CDC26: variants seen among roughly 807,000 people sequenced by gnomAD.
CDC26 encodes anaphase-promoting complex subunit CDC26.
Under a neutral mutation model 8.0 loss-of-function variants are expected in CDC26, and 2 were observed. That is an observed-to-expected ratio of 0.25 (90% CI 0.10 to 0.79). The LOEUF (loss-of-function observed/expected upper bound fraction) is 0.79. CDC26 is among the 30% of genes least tolerant of loss of function. The probability of loss-of-function intolerance (pLI) is 0.70; values close to 1 mark genes in which losing one functional copy is unlikely to be tolerated. For synonymous variants in CDC26, 19 were observed against 34.9 expected (o/e 0.55, Z 1.60); for missense variants, 68 against 106.0 (o/e 0.64, Z 1.57).
intron 3 of CDC26, 22 bp from the exon 4 acceptor site, chr9:113,267,461 G>A (rs1163720578): frequency 6.3e-7 from 1 of 1,587,782 alleles, no homozygotes; most frequent in Admixed American, 1.8e-5. Flanking sequence ...AAAGTTTTAG[G>A]ATTAAGGCAA....
intron 1 of CDC26, among the ~76,000 whole-genome samples, chr9:113,274,404 T>C (rs1045086403): frequency 3.3e-5 from 5 of 152,146 alleles, no homozygotes; most frequent in African/African-American, 1.2e-4. Flanking sequence ...CACAAAACAC[T>C]GGCACATTAC....
At position 113,275,401 on chromosome 9, in the gene CDC26, G is replaced by T; in HGVS notation, c.-171C>A. 1 of 283,978 alleles carries T rather than the reference G, an allele frequency of 3.5e-6. No individual in the cohort carries two copies. The highest frequency in any genetic ancestry group is 6.7e-6 in the Non-Finnish European group (1 of 150,172). The allele number at this position is 283,978 out of a possible 1,614,324, so 17.6% of individuals were successfully genotyped here. A position where few individuals can be genotyped will look rare whatever the true frequency, so the allele number is the denominator to read the frequency against. ...ACCTACCTCTTTTCAAGCCGGCCTA[G>T]CCCCTTCCCGGAACCTCGGCTCCCC... is the stretch of plus-strand genomic sequence containing the variant. On this transcript the variant is annotated 5_prime_UTR_variant, in exon 1 of 4. Transcript: ENST00000374206.
intron 3 of CDC26, among the ~76,000 whole-genome samples, chr9:113,270,075 C>G (rs917651661): frequency 3.3e-5 from 5 of 152,118 alleles, no homozygotes; most frequent in African/African-American, 1.2e-4. Context: ...AGAGAGTGAC[C>G]GTGCCTATGA....
At chr9:113,269,049 C>T (rs937564861) in intron 3 of CDC26, among the ~76,000 whole-genome samples, 2 of 152,078 alleles carry the variant, frequency 1.3e-5, no homozygotes, top group Admixed American at 6.5e-5. Context: ...CCACCGCACC[C>T]GGCCCACAAA....
chr9:113,274,598 A>T (rs997948420), intron 1 of CDC26, among the ~76,000 whole-genome samples: 1 of 152,192 alleles, frequency 6.6e-6, no homozygotes, highest in African/African-American at 2.4e-5. Flanking sequence ...ACTAGGGAGC[A>T]GTATAGATTA....
intron 3 of CDC26, among the ~76,000 whole-genome samples, chr9:113,270,327 A>G (rs1478356805): frequency 6.6e-6 from 1 of 152,228 alleles, no homozygotes; most frequent in Non-Finnish European, 1.5e-5. Flanking sequence ...GAAGAATTTA[A>G]GTCTTATTAA....
At chr9:113,268,858 G>A (rs568405641) in intron 3 of CDC26, among the ~76,000 whole-genome samples, 1 of 152,220 alleles carries the variant, frequency 6.6e-6, no homozygotes, top group South Asian at 2.1e-4. Flanking sequence ...GGGTTCAAGC[G>A]ATTCTCCTGC....
chr9:113,267,905 T>C (rs926571448), intron 3 of CDC26, among the ~76,000 whole-genome samples: 30 of 152,164 alleles, frequency 2.0e-4, no homozygotes, highest in Non-Finnish European at 4.4e-5. Flanking sequence ...GAGAATCGCT[T>C]GAACCAGGAA....
chr9:113,268,056 G>A (rs997783600), intron 3 of CDC26, among the ~76,000 whole-genome samples: 2 of 152,082 alleles, frequency 1.3e-5, no homozygotes, highest in Admixed American at 6.6e-5. Flanking sequence ...GCAAACAGAC[G>A]ATTATAGGGT....
rs1831876995 is a variant in CDC26, at chr9:113,267,223, T to C, written c.*40A>G. On this transcript the variant is annotated 3_prime_UTR_variant, in exon 4 of 4. Transcript: ENST00000374206. ...CTGGTTTGTACTTCTGCCATCATTT[T>C]ATTCCATTCCAGCGCTCTGGCATGC... 2.3e-6 allele frequency: 3 copies of C among 1,288,782 alleles called. No individual in the cohort carries two copies. The highest frequency in any genetic ancestry group is 3.2e-6 in the Non-Finnish European group (3 of 941,964). The allele number at this position is 1,288,782 out of a possible 1,614,324, so 79.8% of individuals were successfully genotyped here.
At chr9:113,268,964 A>G (rs1228094871) in intron 3 of CDC26, among the ~76,000 whole-genome samples, 1 of 151,306 alleles carries the variant, frequency 6.6e-6, no homozygotes, top group African/African-American at 2.4e-5. Context: ...CATGTTAGCT[A>G]GGATGGTCTC....
intron 3 of CDC26, among the ~76,000 whole-genome samples, chr9:113,271,716 G>A (rs1373237682): frequency 6.6e-6 from 1 of 152,222 alleles, no homozygotes; most frequent in East Asian, 1.9e-4. Flanking sequence ...TGTTACAGCA[G>A]CCACAGGAGA....
intron 3 of CDC26, among the ~76,000 whole-genome samples, chr9:113,271,807 GAAGTTA>G (rs1211159303): frequency 6.6e-6 from 1 of 152,192 alleles, no homozygotes; most frequent in African/African-American, 2.4e-5. Flanking sequence ...CTGCAGTTCA[GAAGTTA>G]AAGTTATTGT....
chr9:113,273,738 G>A lies in CDC26; in HGVS notation c.-151-300C>T, dbSNP rs1003478787. Among the ~76,000 whole-genome samples, 9 of 150,476 alleles carry A rather than the reference G, an allele frequency of 6.0e-5. No homozygotes were observed. The Admixed American group carries it at 6.0e-4, about 10-fold the overall frequency. ...GTGTACCTGTAGTCCTAGCTACTCA[G>A]GAGGCTGAGGTGGAAGGATCACTTG... On this transcript the variant is annotated intron_variant, in intron 1 of 3. Coordinates refer to ENST00000374206, the MANE Select transcript of CDC26 (RefSeq NM_139286.4).
chr9:113,268,499 TTCTC>T (rs530717100), intron 3 of CDC26, among the ~76,000 whole-genome samples: 60 of 152,362 alleles, frequency 3.9e-4, no homozygotes, highest in African/African-American at 1.4e-3. Flanking sequence ...GATGATAACT[TTCTC>T]TAAGAGAGTG....
intron 3 of CDC26, among the ~76,000 whole-genome samples, chr9:113,269,449 T>G (rs950779553): frequency 6.6e-6 from 1 of 152,236 alleles, no homozygotes; most frequent in Admixed American, 6.5e-5. Context: ...CTTCCCACTT[T>G]GAGCAACTGC....
intron 1 of CDC26, among the ~76,000 whole-genome samples, chr9:113,274,818 A>G (rs576114067): frequency 2.6e-5 from 4 of 152,144 alleles, no homozygotes; most frequent in African/African-American, 7.2e-5. Context: ...AATAACATCT[A>G]TTATTGCTGT....
chr9:113,270,088 G>C (rs1374653238), intron 3 of CDC26, among the ~76,000 whole-genome samples: 1 of 152,216 alleles, frequency 6.6e-6, no homozygotes, highest in African/African-American at 2.4e-5. Flanking sequence ...GCCTATGAGA[G>C]AGGTTAGCAC....
At chr9:113,274,531 AG>A (rs904298954) in intron 1 of CDC26, among the ~76,000 whole-genome samples, 40 of 150,516 alleles carry the variant, frequency 2.7e-4, no homozygotes, top group African/African-American at 9.2e-4. Flanking sequence ...GATACCTAAA[AG>A]GGGGAAAAAA....
Sources: allele counts gnomAD v4.1 joint callset (sites outside exome capture counted in the v4.1 genomes callset), GRCh38; gene constraint gnomAD v4.1.1; transcripts MANE v1.5; gene names NCBI Gene and HGNC (gene_info 2026-07-23, HGNC 2026-07-21).